PERP: variants seen among roughly 807,000 people sequenced by gnomAD.
PERP encodes the protein p53 apoptosis effector related to PMP-22.
A neutral mutation model predicts 20.3 loss-of-function variants in PERP; 11 were observed. That is an observed-to-expected ratio of 0.54 (90% CI 0.34 to 0.90). The LOEUF (loss-of-function observed/expected upper bound fraction) is 0.90. Ranked by LOEUF, PERP falls within the 40% of genes least tolerant of loss-of-function variation. The pLI is 0.02. For synonymous variants in PERP, 101 were observed against 102.0 expected, an observed-to-expected ratio of 0.99 and a Z score of 0.06; for missense variants, 224 against 249.4, an observed-to-expected ratio of 0.90 and a Z score of 0.69.
intron 1 of PERP, among the ~76,000 whole-genome samples, chr6:138,106,874 GA>G (rs1223372013): frequency 6.8e-6 from 1 of 146,332 alleles, no homozygotes; most frequent in Non-Finnish European, 1.5e-5. Context: ...CAAAACCCAG[GA>G]AAAAAACTAT....
rs1775574503 is a variant in PERP at position 138,091,222 on chromosome 6, C to G, written c.*820G>C. 1 of 152,178 alleles carries G rather than the reference C, an allele frequency of 6.6e-6. No homozygotes were observed. Among genetic ancestry groups the G allele is most frequent in the Non-Finnish European group, 1.5e-5 (1 of 68,038 alleles). The allele number at this position is 152,178 out of a possible 1,614,324, so 9.4% of individuals were successfully genotyped here. The stretch of plus-strand genomic sequence containing the variant: ...TACTACACAACTTAACCAGATCTAT[C>G]AGTCATGATAAATTAGACCCAGTCC... On this transcript the variant is annotated 3_prime_UTR_variant, in exon 3 of 3. Transcript: ENST00000421351.
At chr6:138,106,903 C>CTTTT (rs577977770) in intron 1 of PERP, among the ~76,000 whole-genome samples, 24 of 134,444 alleles carry the variant, frequency 1.8e-4, no homozygotes, top group East Asian at 4.8e-4. Context: ...GAACTACGGC[C>CTTTT]TTTTTTTTTT....
rs1218812054 is a variant in PERP at position 138,091,577 on chromosome 6, T to A, written c.*465A>T. On this transcript the variant is annotated 3_prime_UTR_variant, in exon 3 of 3. Coordinates refer to ENST00000421351, the MANE Select transcript of PERP (RefSeq NM_022121.5). The stretch of plus-strand genomic sequence containing the variant: ...ATAGTTCGAAGGCTTGAAAATAAAC[T>A]TTTTTTTTGCATTTCTTTTAGAATG... The A allele has an allele frequency of 6.6e-6, 1 of 152,050 alleles. No individual in the cohort carries two copies. The highest frequency in any genetic ancestry group is 2.4e-5 in the African/African-American group (1 of 41,268). 9.4% of individuals were successfully genotyped at this position (152,050 alleles called of 1,614,324 possible).
intron 2 of PERP, 88 bp from the exon 3 acceptor site, chr6:138,092,356 C>A: frequency 8.6e-7 from 1 of 1,158,914 alleles, no homozygotes; most frequent in Non-Finnish European, 1.2e-6. Context: ...CTCCTTCCAC[C>A]AAGTTTCTGC....
intron 1 of PERP, among the ~76,000 whole-genome samples, chr6:138,104,895 C>T (rs1556640): frequency 0.85 from 128,856 of 151,948 alleles, 54,639 homozygotes; most frequent in Non-Finnish European, 0.87. Context: ...TCTGAAAATC[C>T]AGAGTTCATA....
At chr6:138,106,029 G>A (rs1258603443) in intron 1 of PERP, among the ~76,000 whole-genome samples, 1 of 152,156 alleles carries the variant, frequency 6.6e-6, no homozygotes, top group Non-Finnish European at 1.5e-5. Flanking sequence ...CCAAGTTGCT[G>A]ATATAGTCCC....
intron 1 of PERP, among the ~76,000 whole-genome samples, chr6:138,098,962 T>C (rs1775735536): frequency 6.6e-6 from 1 of 152,220 alleles, no homozygotes; most frequent in African/African-American, 2.4e-5. Flanking sequence ...GCCAAAATGT[T>C]AAAACTTAGT....
rs1775864899 is a variant in PERP at position 138,107,401 on chromosome 6, A to T, written c.-61T>A. 10 of 1,354,554 alleles carry T rather than the reference A, an allele frequency of 7.4e-6. No homozygotes were observed. Among genetic ancestry groups the T allele is most frequent in the Non-Finnish European group, 9.6e-6 (10 of 1,042,494 alleles). The allele number at this position is 1,354,554 out of a possible 1,614,324, so 83.9% of individuals were successfully genotyped here. ...GGAGCGGGTCGGAGGAGCGCGCGGGACGGGCGACAGCAGAGAGTGGCCTGC... is the reference window on the plus strand; with the variant it reads ...GGAGCGGGTCGGAGGAGCGCGCGGGTCGGGCGACAGCAGAGAGTGGCCTGC... On this transcript the variant is annotated 5_prime_UTR_variant, in exon 1 of 3. Coordinates refer to ENST00000421351, the MANE Select transcript of PERP (RefSeq NM_022121.5). This position sits in a 1 kb window ranked among gnomAD's most constrained non-coding sequence, Gnocchi z 4.8.
intron 1 of PERP, 40 bp from the exon 2 acceptor site, chr6:138,096,534 T>C: frequency 6.4e-7 from 1 of 1,570,870 alleles, no homozygotes; most frequent in Non-Finnish European, 8.6e-7. Flanking sequence ...AAGACAGACA[T>C]ACCAAGTTTA....
chr6:138,100,544 G>GTGTC lies in PERP; in HGVS notation c.215-4051_215-4050insGACA, dbSNP rs750752479. Among the ~76,000 whole-genome samples, 4 of 109,840 alleles carry GTGTC rather than the reference G, an allele frequency of 3.6e-5. No homozygotes were observed. In the East Asian group the frequency reaches 9.6e-4, roughly 26 times the overall value. 72.1% of individuals were successfully genotyped at this position (109,840 alleles called of 152,430 possible). On this transcript the variant is annotated intron_variant, in intron 1 of 2. Transcript: ENST00000421351. Reference sequence around the variant, plus strand: ...CATTACTATTTTATATACCAGATTTGTGTGTGTGTGTGTGTGTGTGTGTGT... The same window carrying GTGTC: ...CATTACTATTTTATATACCAGATTTGTGTCTGTGTGTGTGTGTGTGTGTGTGTGT...
chr6:138,092,889 CA>C (rs986972846), intron 2 of PERP, among the ~76,000 whole-genome samples: 3 of 151,672 alleles, frequency 2.0e-5, no homozygotes, highest in African/African-American at 7.3e-5. Flanking sequence ...GGAGGGAGGG[CA>C]GGGGGAAGGG....
At chr6:138,097,668 C>G (rs1483033127) in intron 1 of PERP, among the ~76,000 whole-genome samples, 1 of 152,070 alleles carries the variant, frequency 6.6e-6, no homozygotes, top group East Asian at 1.9e-4. Context: ...AATAACCTGC[C>G]CATAGCCACA....
chr6:138,104,777 CTG>C (rs1380333918), intron 1 of PERP, among the ~76,000 whole-genome samples: 1 of 152,180 alleles, frequency 6.6e-6, no homozygotes, highest in Non-Finnish European at 1.5e-5. Flanking sequence ...GCACAAGATA[CTG>C]TGTGTTTGTG....
At chr6:138,099,731 C>A (rs887533043) in intron 1 of PERP, among the ~76,000 whole-genome samples, 1 of 152,118 alleles carries the variant, frequency 6.6e-6, no homozygotes, top group African/African-American at 2.4e-5. Flanking sequence ...AACATTATAG[C>A]TGAAGTATAA....
intron 1 of PERP, among the ~76,000 whole-genome samples, chr6:138,102,881 C>A (rs902544254): frequency 6.6e-6 from 1 of 151,918 alleles, no homozygotes; most frequent in African/African-American, 2.4e-5. Flanking sequence ...GGGCGGATCA[C>A]GAGGTCAGGA....
At position 138,091,581 on chromosome 6, in the gene PERP, T is replaced by C. The variant is rs1275638980; in HGVS notation, c.*461A>G. On this transcript the variant is annotated 3_prime_UTR_variant, in exon 3 of 3. Coordinates refer to ENST00000421351, the MANE Select transcript of PERP (RefSeq NM_022121.5). ...TTCGAAGGCTTGAAAATAAACTTTT[T>C]TTTTGCATTTCTTTTAGAATGTTTG... The C allele has an allele frequency of 6.5e-6, 1 of 152,854 alleles. No individual in the cohort carries two copies. The highest frequency in any genetic ancestry group is 1.5e-5 in the Non-Finnish European group (1 of 68,518). 9.5% of individuals were successfully genotyped at this position (152,854 alleles called of 1,614,324 possible).
At chr6:138,100,244 G>C (rs1775751859) in intron 1 of PERP, among the ~76,000 whole-genome samples, 1 of 152,134 alleles carries the variant, frequency 6.6e-6, no homozygotes, top group Admixed American at 6.5e-5. Flanking sequence ...CCTACATTTT[G>C]AAAAGTTAAT....
rs539476605 is a variant in PERP at position 138,093,543 on chromosome 6, A to T, written c.356-1275T>A. Reference sequence around the variant, plus strand: ...CTACTTCTGGTATACTTTAAATAGCAATCTCTTACTATTTAAGTTTGTCAT... The same window carrying T: ...CTACTTCTGGTATACTTTAAATAGCTATCTCTTACTATTTAAGTTTGTCAT... On this transcript the variant is annotated intron_variant, in intron 2 of 2. Transcript: ENST00000421351. Among the ~76,000 whole-genome samples the T allele has an allele frequency of 4.7e-4, 71 of 152,316 alleles. No homozygotes were observed. The Middle Eastern group carries it at 0.01, about 22-fold the overall frequency.
intron 1 of PERP, among the ~76,000 whole-genome samples, chr6:138,106,727 A>G (rs61050740): frequency 0.1 from 15,472 of 152,138 alleles, 1,613 homozygotes; most frequent in East Asian, 0.58. Flanking sequence ...CGTTATTTCA[A>G]TATTTATATT....
Sources: gnomAD v4.1 joint callset for allele counts (sites outside exome capture counted in the v4.1 genomes callset) on GRCh38, gnomAD v4.1.1 for gene constraint, Gnocchi (gnomAD v3.1) non-coding constraint, MANE v1.5 for transcripts, NCBI Gene and HGNC (gene_info 2026-07-23, HGNC 2026-07-21) for gene names.